KHDRBS3: variants seen among roughly 807,000 people sequenced by gnomAD.
KHDRBS3 encodes the protein KH RNA binding domain containing, signal transduction associated 3, also known as KH domain-containing, RNA-binding, signal transduction-associated protein 3.
Under a neutral mutation model 45.6 loss-of-function variants are expected in KHDRBS3, and 23 were observed. That is an observed-to-expected ratio of 0.50 (90% CI 0.36 to 0.72). The LOEUF (loss-of-function observed/expected upper bound fraction) is 0.72, where lower values mean the gene tolerates loss of function less well. KHDRBS3 is among the 30% of genes least tolerant of loss of function. KHDRBS3 has a pLI of 0.00. For synonymous variants in KHDRBS3, 162 were observed against 156.5 expected (o/e 1.04, Z -0.26); for missense variants, 352 against 424.8 (o/e 0.83, Z 1.51).
intron 1 of KHDRBS3, among the ~76,000 whole-genome samples, chr8:135,485,842 T>TTTTATATATATATATATATA (rs908619744): frequency 1.7e-5 from 2 of 120,324 alleles, no homozygotes; most frequent in African/African-American, 3.7e-5. Flanking sequence ...CATTTCAAGT[T>TTTTATATATATATATATATA]TATATATATA....
rs182439473 is a variant in KHDRBS3, at chr8:135,635,427, A to G, written c.891-9632A>G. Among the ~76,000 whole-genome samples the G allele has an allele frequency of 1.1e-4, 16 of 152,272 alleles. No individual in the cohort carries two copies. In the East Asian group the frequency reaches 2.9e-3, roughly 28 times the overall value. On this transcript the variant is annotated intron_variant, in intron 7 of 8. Transcript: ENST00000355849. ...TGAGACGGAGTCTTGCTCATTGCCC[A>G]GCCTGGAGTGTAGTGGCACGATCTT...
intron 1 of KHDRBS3, among the ~76,000 whole-genome samples, chr8:135,508,683 C>A (rs1030546689): frequency 6.6e-6 from 1 of 152,142 alleles, no homozygotes; most frequent in Non-Finnish European, 1.5e-5. Context: ...TAAGTCATTA[C>A]TAACTTGAAT....
chr8:135,518,380 T>C (rs1158852034), intron 1 of KHDRBS3, among the ~76,000 whole-genome samples: 1 of 152,128 alleles, frequency 6.6e-6, no homozygotes, highest in African/African-American at 2.4e-5. Context: ...TTCACCTTGT[T>C]AGCCAGGATG....
chr8:135,622,457 AC>A (rs1563812606), intron 7 of KHDRBS3, among the ~76,000 whole-genome samples: 1 of 152,242 alleles, frequency 6.6e-6, no homozygotes, highest in Non-Finnish European at 1.5e-5. Flanking sequence ...AACACTAAAA[AC>A]CATTTGCTGC....
chr8:135,599,102 C>T (rs1383389020), intron 6 of KHDRBS3, among the ~76,000 whole-genome samples: 1 of 152,168 alleles, frequency 6.6e-6, no homozygotes, highest in East Asian at 1.9e-4. Flanking sequence ...TGTTGTTTGG[C>T]CACGTGTCGG....
At chr8:135,584,189 T>G (rs7833567) in intron 6 of KHDRBS3, among the ~76,000 whole-genome samples, 8,798 of 152,310 alleles carry the variant, frequency 0.058, 332 homozygotes, top group African/African-American at 0.1. Context: ...TTACTGCAGC[T>G]GTGATTTCAA....
intron 7 of KHDRBS3, among the ~76,000 whole-genome samples, chr8:135,627,056 C>T (rs566058448): frequency 2.7e-4 from 41 of 152,220 alleles, no homozygotes; most frequent in Non-Finnish European, 4.3e-4. Context: ...GATACTCACA[C>T]GCCTTATTTC....
chr8:135,646,867 T>C, intron 8 of KHDRBS3, 126 bp from the exon 9 acceptor site: 2 of 539,450 alleles, frequency 3.7e-6, no homozygotes, highest in East Asian at 3.0e-5. Context: ...TTCTTTTCAG[T>C]ACACCAGGGG....
intron 1 of KHDRBS3, among the ~76,000 whole-genome samples, chr8:135,501,947 A>G (rs531583845): frequency 6.6e-6 from 1 of 152,330 alleles, no homozygotes; most frequent in African/African-American, 2.4e-5. Context: ...GCATTATTGA[A>G]GCCTTTTAAT....
At chr8:135,596,795 C>G (rs1233593089) in intron 6 of KHDRBS3, among the ~76,000 whole-genome samples, 1 of 152,112 alleles carries the variant, frequency 6.6e-6, no homozygotes, top group African/African-American at 2.4e-5. Context: ...GCAGATTAGA[C>G]AGAGCTGGAG....
chr8:135,582,688 TAAG>T (rs1432023402), intron 6 of KHDRBS3, among the ~76,000 whole-genome samples: 2 of 152,094 alleles, frequency 1.3e-5, no homozygotes, highest in Non-Finnish European at 2.9e-5. Context: ...ATGAAGAAAA[TAAG>T]AAGCAATGGA....
chr8:135,545,894 T>C (rs1008178177), intron 3 of KHDRBS3, among the ~76,000 whole-genome samples: 1 of 152,184 alleles, frequency 6.6e-6, no homozygotes, highest in Non-Finnish European at 1.5e-5. Context: ...TCCCAGCACT[T>C]TGGGAGGCCA....
chr8:135,567,548 A>C (rs1310264712), intron 5 of KHDRBS3, among the ~76,000 whole-genome samples: 1 of 152,208 alleles, frequency 6.6e-6, no homozygotes, highest in Admixed American at 6.5e-5. Context: ...TAATCTCCAG[A>C]CTAGCTTGGG....
chr8:135,519,908 C>T lies in KHDRBS3; in HGVS notation c.89-1329C>T, dbSNP rs559950601. On this transcript the variant is annotated intron_variant, in intron 1 of 8. Coordinates refer to ENST00000355849, the MANE Select transcript of KHDRBS3 (RefSeq NM_006558.3). ...GTGACAGAAGCCCCAGGCCCAAAGCCTCTAGCTTAAATAAATCTTTCATTT... is the reference window on the plus strand; with the variant it reads ...GTGACAGAAGCCCCAGGCCCAAAGCTTCTAGCTTAAATAAATCTTTCATTT... Among the ~76,000 whole-genome samples the T allele has an allele frequency of 2.6e-5, 4 of 152,292 alleles. No individual in the cohort carries two copies. The South Asian group carries it at 8.3e-4, about 32-fold the overall frequency.
chr8:135,478,086 C>G (rs1822384135), intron 1 of KHDRBS3, among the ~76,000 whole-genome samples: 1 of 152,100 alleles, frequency 6.6e-6, no homozygotes, highest in Admixed American at 6.6e-5. Flanking sequence ...AGAATCCAAT[C>G]CCCTTGCACT....
chr8:135,588,563 G>T (rs1279463267), intron 6 of KHDRBS3, among the ~76,000 whole-genome samples: 2 of 152,136 alleles, frequency 1.3e-5, no homozygotes, highest in African/African-American at 4.8e-5. Context: ...CACAGGGATG[G>T]TTCCCTTGAC....
At chr8:135,458,881 G>A in intron 1 of KHDRBS3, 1 of 456,268 alleles carries the variant, frequency 2.2e-6, no homozygotes, top group South Asian at 1.5e-5. Flanking sequence ...TTCCTCCTGT[G>A]GCTTCCTGAA....
chr8:135,520,640 A>G lies in KHDRBS3; in HGVS notation c.89-597A>G, dbSNP rs181053828. On this transcript the variant is annotated intron_variant, in intron 1 of 8. Coordinates refer to ENST00000355849, the MANE Select transcript of KHDRBS3 (RefSeq NM_006558.3). The stretch of plus-strand genomic sequence containing the variant: ...AAGAAACACTTGCACAGAAAAGGAG[A>G]TTTAATGTGGTTGAGTCTCGAAAGG... Among the ~76,000 whole-genome samples, 15 of 152,272 alleles carry G rather than the reference A, an allele frequency of 9.9e-5. No individual in the cohort carries two copies. The East Asian group carries it at 2.7e-3, about 27-fold the overall frequency.
Position 135,625,682 on chromosome 8 carries a change from C to T in KHDRBS3, c.890+18645C>T, listed in dbSNP as rs1586823901. The T allele has an allele frequency of 5.0e-6, 4 of 801,818 alleles. No individual in the cohort carries two copies. The East Asian group carries it at 9.7e-5, about 19-fold the overall frequency. The allele number at this position is 801,818 out of a possible 1,614,324, so 49.7% of individuals were successfully genotyped here. On this transcript the variant is annotated intron_variant, in intron 7 of 8. Coordinates refer to ENST00000355849, the MANE Select transcript of KHDRBS3 (RefSeq NM_006558.3). ...GAACGAATTCAAAATTTTCCTGAAA[C>T]TTTCCTTTTACTAATTTGTCCACAG...
Sources: gnomAD v4.1 joint callset for allele counts (sites outside exome capture counted in the v4.1 genomes callset) on GRCh38, gnomAD v4.1.1 for gene constraint, MANE v1.5 for transcripts, NCBI Gene and HGNC (gene_info 2026-07-23, HGNC 2026-07-21) for gene names.